The following ZFPM1 variants were observed in gnomAD, a reference collection of about 807,000 sequenced individuals.
The protein encoded by ZFPM1 is zinc finger protein ZFPM1.
ZFPM1 carries 28 observed loss-of-function variants against 46.3 expected under a neutral mutation model. The ratio of observed to expected loss-of-function variants is 0.60; its 90% confidence interval spans 0.45 to 0.83. ZFPM1 has a LOEUF of 0.83. ZFPM1 is among the 40% of genes least tolerant of loss of function. ZFPM1 has a pLI of 0.00. For synonymous variants in ZFPM1, 957 were observed against 675.9 expected (o/e 1.42, Z -6.45); for missense variants, 1,878 against 1,432.4 (o/e 1.31, Z -5.02).
intron 1 of ZFPM1, among the ~76,000 whole-genome samples, chr16:88,478,567 C>T (rs371703925): frequency 5.3e-5 from 8 of 152,246 alleles, no homozygotes; most frequent in African/African-American, 1.2e-4. Context: ...GCTGCTGTTG[C>T]GGGCCCACAG....
chr16:88,510,237 A>G (rs1204299924), intron 3 of ZFPM1, among the ~76,000 whole-genome samples: 9 of 152,158 alleles, frequency 5.9e-5, no homozygotes. Context: ...ACTTGGCCCC[A>G]GGCCTGTGGA....
intron 1 of ZFPM1, among the ~76,000 whole-genome samples, chr16:88,456,516 A>G (rs1907568409): frequency 6.6e-6 from 1 of 152,156 alleles, no homozygotes; most frequent in African/African-American, 2.4e-5. Context: ...GCACTACTGC[A>G]TACAGGCCCT....
In ZFPM1 at chr16:88,469,588, C is replaced by T. The variant is rs1441909935; in HGVS notation, c.40+15910C>T. ...ACCTTAGGGGGCATGCACCTGTGTT[C>T]TGCATCCACCCACACTGCACAGTGG... On this transcript the variant is annotated intron_variant, in intron 1 of 9. Coordinates refer to ENST00000319555, the MANE Select transcript of ZFPM1 (RefSeq NM_153813.3). The surrounding 1 kb of genome is among the most constrained non-coding windows in gnomAD (Gnocchi z 4.3). Among the ~76,000 whole-genome samples the T allele has an allele frequency of 5.9e-5, 9 of 152,198 alleles. No individual in the cohort carries two copies. The highest frequency in any genetic ancestry group is 1.2e-4 in the Non-Finnish European group (8 of 68,042).
intron 1 of ZFPM1, among the ~76,000 whole-genome samples, chr16:88,474,889 A>G (rs1908604608): frequency 6.6e-6 from 1 of 152,180 alleles, no homozygotes; most frequent in Non-Finnish European, 1.5e-5. Flanking sequence ...TTCGAGACTG[A>G]TGAGTCCATA....
chr16:88,508,165 C>T (rs1264254914), intron 3 of ZFPM1, among the ~76,000 whole-genome samples: 3 of 152,056 alleles, frequency 2.0e-5, no homozygotes, highest in Non-Finnish European at 1.5e-5. Context: ...GGTGCGGTGG[C>T]GCGCACCTGT....
intron 4 of ZFPM1, among the ~76,000 whole-genome samples, chr16:88,525,376 G>A (rs1254309865): frequency 6.6e-6 from 1 of 152,256 alleles, no homozygotes; most frequent in Admixed American, 6.5e-5. Context: ...GCAGGGTTGG[G>A]CTGACTGCCA....
chr16:88,490,885 G>A (rs1485009134), intron 3 of ZFPM1, among the ~76,000 whole-genome samples: 1 of 152,192 alleles, frequency 6.6e-6, no homozygotes, highest in East Asian at 1.9e-4. Context: ...GCCCACCTGG[G>A]ACCCACAGAT....
intron 3 of ZFPM1, among the ~76,000 whole-genome samples, chr16:88,491,903 C>T (rs1004070619): frequency 2.0e-5 from 3 of 152,202 alleles, no homozygotes; most frequent in South Asian, 4.1e-4. Flanking sequence ...TGTTATCTCT[C>T]GGGGCGGCCC....
chr16:88,517,486 GGATGGATGGA>G (rs1476468114), intron 4 of ZFPM1, among the ~76,000 whole-genome samples: 1 of 146,644 alleles, frequency 6.8e-6, no homozygotes, highest in African/African-American at 2.6e-5. Flanking sequence ...GTGGATGGAT[GGATGGATGGA>G]TGGATGGATG....
intron 1 of ZFPM1, among the ~76,000 whole-genome samples, chr16:88,457,495 C>T (rs1437499346): frequency 6.6e-6 from 1 of 152,252 alleles, no homozygotes; most frequent in African/African-American, 2.4e-5. Context: ...CTCAGCTTAC[C>T]TGGTCCTTGG....
intron 3 of ZFPM1, among the ~76,000 whole-genome samples, chr16:88,509,329 G>A (rs974400982): frequency 3.9e-5 from 6 of 152,250 alleles, no homozygotes; most frequent in Admixed American, 1.3e-4. Flanking sequence ...GGGCGGGGCC[G>A]GGCGGAGCGA....
At chr16:88,500,035 G>A (rs1469500381) in intron 3 of ZFPM1, among the ~76,000 whole-genome samples, 1 of 152,236 alleles carries the variant, frequency 6.6e-6, no homozygotes, top group South Asian at 2.1e-4. Context: ...CCTTCCGGGA[G>A]AGGCTATCTG....
At chr16:88,474,038 G>A (rs1263187182) in intron 1 of ZFPM1, among the ~76,000 whole-genome samples, 5 of 152,246 alleles carry the variant, frequency 3.3e-5, no homozygotes, top group African/African-American at 4.8e-5. Flanking sequence ...CTTCAGCGTC[G>A]ATAAAGTTTC....
intron 3 of ZFPM1, among the ~76,000 whole-genome samples, chr16:88,502,942 C>G (rs1346468013): frequency 1.3e-5 from 2 of 152,270 alleles, no homozygotes; most frequent in East Asian, 3.8e-4. Context: ...TCGCCACCCC[C>G]ACCCGCCTTT....
Position 88,534,002 on chromosome 16 carries a change from C to T in ZFPM1, c.2044C>T (p.Arg682Cys), listed in dbSNP as rs866216919. 2 of 1,376,812 alleles carry T rather than the reference C, an allele frequency of 1.5e-6. No individual in the cohort carries two copies. The highest frequency in any genetic ancestry group is 3.9e-5 in the East Asian group (1 of 25,942). The allele number at this position is 1,376,812 out of a possible 1,614,324, so 85.3% of individuals were successfully genotyped here. The change falls in exon 10 of 10, where the codon CGC becomes TGC. Residue 682 changes from arginine to cysteine, a missense_variant. Arg to Cys is a radical substitution (Grantham distance 180, BLOSUM62 -3). Transcript: ENST00000319555. The stretch of plus-strand genomic sequence containing the variant: ...GGACGACGCGGAGGACGACCCCAGC[C>T]GCACGCTGTGCGAGGCCTGCAACAT... The part of the protein sequence containing the change: ...SVDDAEDDPS[R>C]TLCEACNIRF...
intron 1 of ZFPM1, among the ~76,000 whole-genome samples, chr16:88,474,738 C>A (rs1460382168): frequency 1.3e-5 from 2 of 152,248 alleles, no homozygotes; most frequent in Non-Finnish European, 2.9e-5. Flanking sequence ...GCCTCCGCGG[C>A]ATCCTCCATT....
chr16:88,515,868 C>T (rs1911265906), intron 4 of ZFPM1, among the ~76,000 whole-genome samples: 1 of 152,202 alleles, frequency 6.6e-6, no homozygotes, highest in African/African-American at 2.4e-5. Flanking sequence ...TTCTGGGGTG[C>T]TGGGATGTGG....
upstream of ZFPM1, among the ~76,000 whole-genome samples, chr16:88,452,611 G>GAGC (rs1263771270): frequency 3.3e-5 from 5 of 152,264 alleles, no homozygotes; most frequent in African/African-American, 1.2e-4. Context: ...CACACCCCAA[G>GAGC]TCTGGCCCAA....
chr16:88,462,773 G>C (rs1597228097), intron 1 of ZFPM1, among the ~76,000 whole-genome samples: 1 of 152,204 alleles, frequency 6.6e-6, no homozygotes, highest in Non-Finnish European at 1.5e-5. Flanking sequence ...AAGGCACCAG[G>C]CTGGGCTCCA....
Sources: gnomAD v4.1 joint callset for allele counts (sites outside exome capture counted in the v4.1 genomes callset) on GRCh38, gnomAD v4.1.1 for gene constraint, Gnocchi (gnomAD v3.1) non-coding constraint, MANE v1.5 for transcripts, NCBI Gene and HGNC (gene_info 2026-07-23, HGNC 2026-07-21) for gene names.